The following GPHN variants were observed in gnomAD, a reference collection of about 807,000 sequenced individuals.
The protein encoded by GPHN is gephyrin.
In GPHN, 17 loss-of-function variants were observed where a neutral mutation model predicts 95.5. The observed-to-expected ratio is 0.18, with a 90% CI of 0.12 to 0.27. GPHN has a LOEUF of 0.27. GPHN is among the 10% of genes least tolerant of loss of function. The probability of loss-of-function intolerance (pLI) is 1.00; values close to 1 mark genes in which losing one functional copy is unlikely to be tolerated. For synonymous variants in GPHN, 320 were observed against 322.5 expected, an observed-to-expected ratio of 0.99 and a Z score of 0.08; for missense variants, 660 against 978.1, an observed-to-expected ratio of 0.67 and a Z score of 4.34.
At chr14:67,460,607 C>T in the GPHN span, among the ~76,000 whole-genome samples, 1 of 152,092 alleles carries the variant, frequency 6.6e-6, no homozygotes, top group Non-Finnish European at 1.5e-5. Context: ...GGGAGGCTGA[C>T]ACAGGAGAAT....
At chr14:67,189,990 G>C in the GPHN span, among the ~76,000 whole-genome samples, 1 of 148,956 alleles carries the variant, frequency 6.7e-6, no homozygotes, top group African/African-American at 2.5e-5. Flanking sequence ...ACAAGTGTGT[G>C]CCATCACGCC....
the GPHN span, among the ~76,000 whole-genome samples, chr14:67,358,619 G>A: frequency 7.2e-5 from 11 of 152,160 alleles, no homozygotes; most frequent in African/African-American, 1.7e-4. Context: ...AGGATCACTT[G>A]AGCCCAGGGG....
intron 2 of GPHN, among the ~76,000 whole-genome samples, chr14:66,686,895 A>G (rs1477820146): frequency 6.6e-6 from 1 of 152,030 alleles, no homozygotes; most frequent in African/African-American, 2.4e-5. Flanking sequence ...GTTTGTCATA[A>G]ATAGCTATTA....
intron 3 of GPHN, among the ~76,000 whole-genome samples, chr14:66,819,427 A>G (rs1422466680): frequency 1.3e-5 from 2 of 151,866 alleles, no homozygotes; most frequent in Admixed American, 1.3e-4. Flanking sequence ...TTCTGTCCCC[A>G]TTGCTTGTTT....
the GPHN span, among the ~76,000 whole-genome samples, chr14:67,377,495 AATAGAAACCATTGCACAAG>A: frequency 6.6e-6 from 1 of 152,224 alleles, no homozygotes; most frequent in East Asian, 1.9e-4. Context: ...TTATAAAGAA[AATAGAAACCATTGCACAAG>A]AACTACTTTT....
intron 9 of GPHN, among the ~76,000 whole-genome samples, chr14:66,971,116 G>A (rs554539362): frequency 1.3e-5 from 2 of 152,188 alleles, no homozygotes; most frequent in Non-Finnish European, 2.9e-5. Flanking sequence ...ATCATCTGAG[G>A]TAGGGAGTTC....
chr14:67,609,321 A>G, the GPHN span, among the ~76,000 whole-genome samples: 5,478 of 152,114 alleles, frequency 0.036, 262 homozygotes, highest in African/African-American at 0.11. Context: ...CAAATGAATA[A>G]CCAGATGAAG....
chr14:66,787,991 T>G (rs149485498), intron 3 of GPHN, among the ~76,000 whole-genome samples: 2,331 of 152,104 alleles, frequency 0.015, 32 homozygotes, highest in Non-Finnish European at 0.018. Flanking sequence ...TTCACAAACT[T>G]GAGCTCATCA....
chr14:66,558,645 C>G (rs1308134661), intron 1 of GPHN, among the ~76,000 whole-genome samples: 1 of 152,002 alleles, frequency 6.6e-6, no homozygotes, highest in Non-Finnish European at 1.5e-5. Flanking sequence ...TTGCTTATGT[C>G]ATTTAATATA....
At chr14:67,642,406 T>C in the GPHN span, 1 of 1,592,906 alleles carries the variant, frequency 6.3e-7, no homozygotes. Context: ...GATTACATGG[T>C]GCTTGGGGCT....
chr14:67,221,932 T>C, the GPHN span: 1 of 1,198,800 alleles, frequency 8.3e-7, no homozygotes, highest in Non-Finnish European at 1.2e-6. Context: ...ATGCATTTCC[T>C]TTCTTCACTA....
chr14:66,648,575 T>C (rs547824316), intron 1 of GPHN, among the ~76,000 whole-genome samples: 3 of 152,266 alleles, frequency 2.0e-5, no homozygotes, highest in African/African-American at 7.2e-5. Context: ...TATAGGTTTG[T>C]AGCCTAGGAT....
At chr14:67,731,187 CTCATCATATTTCTTTCTTTCTTTTT>C in the GPHN span, among the ~76,000 whole-genome samples, 1 of 141,370 alleles carries the variant, frequency 7.1e-6, no homozygotes, top group South Asian at 2.3e-4. Context: ...AATTGTGTTT[CTCATCATATTTCTTTCTTTCTTTTT>C]TTTTTTTTTT....
At chr14:67,670,786 A>C in the GPHN span, among the ~76,000 whole-genome samples, 1 of 152,164 alleles carries the variant, frequency 6.6e-6, no homozygotes, top group Non-Finnish European at 1.5e-5. Flanking sequence ...TAGGCCTCCC[A>C]AAGTGATGGG....
At chr14:66,766,661 A>C (rs979402466) in intron 2 of GPHN, among the ~76,000 whole-genome samples, 1 of 152,110 alleles carries the variant, frequency 6.6e-6, no homozygotes, top group African/African-American at 2.4e-5. Flanking sequence ...ATATAGAAAC[A>C]ATATTTGAAA....
the GPHN span, chr14:67,717,678 C>G: frequency 0.13 from 20,074 of 152,256 alleles, 1,363 homozygotes; most frequent in East Asian, 0.21. Context: ...GATAGTAGTG[C>G]TCCAGGCATC....
intron 17 of GPHN, among the ~76,000 whole-genome samples, chr14:67,123,271 C>T (rs1256194739): frequency 6.6e-6 from 1 of 152,162 alleles, no homozygotes; most frequent in African/African-American, 2.4e-5. Context: ...AGTACTTTCC[C>T]AAAACTCAGA....
chr14:66,715,717 A>G (rs2070112680), intron 2 of GPHN, among the ~76,000 whole-genome samples: 1 of 152,050 alleles, frequency 6.6e-6, no homozygotes, highest in African/African-American at 2.4e-5. Context: ...TTAAATTTCC[A>G]TCTTGATTAT....
chr14:67,136,067 A>G (rs1057305513), intron 17 of GPHN, among the ~76,000 whole-genome samples: 10 of 152,044 alleles, frequency 6.6e-5, no homozygotes, highest in Admixed American at 5.9e-4. Context: ...TTAATTGCTT[A>G]TTATTGTTAT....
Sources: gnomAD v4.1 joint callset for allele counts (sites outside exome capture counted in the v4.1 genomes callset) on GRCh38, gnomAD v4.1.1 for gene constraint, MANE v1.5 for transcripts, NCBI Gene and HGNC (gene_info 2026-07-23, HGNC 2026-07-21) for gene names.